Variants in ARID2 observed in about 807,000 individuals in gnomAD.
ARID2 encodes AT-rich interaction domain 2, also known as AT-rich interactive domain-containing protein 2.
Under a neutral mutation model 184.6 loss-of-function variants are expected in ARID2, and 32 were observed. That is an observed-to-expected ratio of 0.17 (90% confidence interval 0.13 to 0.23). The LOEUF is 0.23. ARID2 is among the 10% of genes least tolerant of loss of function. The probability of loss-of-function intolerance (pLI) is 1.00; values close to 1 mark genes in which losing one functional copy is unlikely to be tolerated. For missense variants in ARID2, 1,696 were observed against 2,197.6 expected (o/e 0.77, Z 4.56); for synonymous variants, 836 against 772.6 (o/e 1.08, Z -1.36).
chr12:45,900,338 G>A (rs185388075), intron 20 of ARID2, among the ~76,000 whole-genome samples: 1 of 152,188 alleles, frequency 6.6e-6, no homozygotes, highest in Non-Finnish European at 1.5e-5. Flanking sequence ...TGGGATTACA[G>A]GTGTGAGCCA....
chr12:45,731,103 C>T, intron 2 of ARID2, 114 bp from the exon 3 acceptor site: 2 of 744,934 alleles, frequency 2.7e-6, no homozygotes, highest in South Asian at 1.6e-5. Flanking sequence ...TCCGAAACAC[C>T]CACTGATGCC....
intron 3 of ARID2, among the ~76,000 whole-genome samples, chr12:45,788,369 TC>T (rs1266745482): frequency 6.6e-6 from 1 of 152,168 alleles, no homozygotes; most frequent in African/African-American, 2.4e-5. Flanking sequence ...AACCTCAAGA[TC>T]ATGTAGCTGA....
chr12:45,751,916 G>T (rs963263268), intron 3 of ARID2, among the ~76,000 whole-genome samples: 73 of 152,304 alleles, frequency 4.8e-4, no homozygotes, highest in African/African-American at 1.6e-3. Context: ...CTGTAATCCA[G>T]TTGAAAAATG....
intron 11 of ARID2, chr12:45,840,067 A>G (rs189485217): frequency 3.3e-5 from 5 of 152,372 alleles, no homozygotes; most frequent in Admixed American, 2.0e-4. Flanking sequence ...TAGTACAGAC[A>G]TGTCTAATAA....
Position 45,806,339 on chromosome 12 carries a change from T to C in ARID2, c.285-5079T>C, listed in dbSNP as rs990635190. ...TCTTTACATTTTGCCTGGTGACCCA[T>C]GTACCCGGACACCCTAGCCCCAGGG... On this transcript the variant is annotated intron_variant, in intron 3 of 20. Transcript: ENST00000334344. Among the ~76,000 whole-genome samples, 4 of 152,164 alleles carry C rather than the reference T, an allele frequency of 2.6e-5. 1 individual carries two copies. In the South Asian group the frequency reaches 8.3e-4, roughly 31 times the overall value.
chr12:45,733,481 A>G (rs553242961), intron 3 of ARID2, among the ~76,000 whole-genome samples: 1 of 152,374 alleles, frequency 6.6e-6, no homozygotes, highest in African/African-American at 2.4e-5. Flanking sequence ...GAATATCATC[A>G]TTACTGATGA....
At chr12:45,731,943 A>T (rs1318957973) in intron 3 of ARID2, among the ~76,000 whole-genome samples, 2 of 152,142 alleles carry the variant, frequency 1.3e-5, no homozygotes, top group Admixed American at 6.5e-5. Context: ...GATACTATGA[A>T]ATGGGATACT....
intron 3 of ARID2, chr12:45,775,980 A>G (rs1941970145): frequency 6.1e-6 from 1 of 163,486 alleles, no homozygotes; most frequent in South Asian, 2.0e-4. Context: ...ACTTCCAGTA[A>G]CTAATTAATA....
chr12:45,759,215 G>A (rs1055717166), intron 3 of ARID2, among the ~76,000 whole-genome samples: 3 of 152,122 alleles, frequency 2.0e-5, no homozygotes, highest in African/African-American at 7.2e-5. Context: ...ACTTATGGGT[G>A]TAAGAATTTT....
At chr12:45,814,994 G>C (rs1286056483) in intron 4 of ARID2, among the ~76,000 whole-genome samples, 3 of 152,128 alleles carry the variant, frequency 2.0e-5, no homozygotes, top group Non-Finnish European at 4.4e-5. Flanking sequence ...TAATTGTTAT[G>C]TTTATCTTAC....
At chr12:45,800,877 A>G (rs1483112300) in intron 3 of ARID2, among the ~76,000 whole-genome samples, 1 of 152,218 alleles carries the variant, frequency 6.6e-6, no homozygotes, top group Non-Finnish European at 1.5e-5. Context: ...TAACTTGAGC[A>G]TTTGACTGAA....
At chr12:45,802,036 TAA>T (rs1565601664) in intron 3 of ARID2, among the ~76,000 whole-genome samples, 3 of 152,200 alleles carry the variant, frequency 2.0e-5, no homozygotes, top group East Asian at 1.9e-4. Flanking sequence ...AGTGTAGATA[TAA>T]GAGTTTTGTT....
intron 3 of ARID2, among the ~76,000 whole-genome samples, chr12:45,772,778 G>A (rs1941900691): frequency 6.6e-6 from 1 of 152,112 alleles, no homozygotes; most frequent in Non-Finnish European, 1.5e-5. Flanking sequence ...GATAAAGGGA[G>A]AAAGAGGCAA....
rs200185178 is a variant in ARID2, at chr12:45,801,804, CAG to C, written c.285-9602_285-9601del. 2.1e-3 allele frequency among the ~76,000 whole-genome samples: 310 copies of C among 150,410 alleles called. 7 individuals carry two copies. Among genetic ancestry groups the C allele is most frequent in the Admixed American group, 0.019 (288 of 15,144 alleles). ...AATGTGTGTATTGGGGGGTGGGGGA[CAG>C]AGAGAGAGAGAAAGAATGAGAATAG... On this transcript the variant is annotated intron_variant, in intron 3 of 20. Coordinates refer to ENST00000334344, the MANE Select transcript of ARID2 (RefSeq NM_152641.4).
At chr12:45,780,171 C>T (rs1942062071) in intron 3 of ARID2, among the ~76,000 whole-genome samples, 1 of 152,184 alleles carries the variant, frequency 6.6e-6, no homozygotes, top group Non-Finnish European at 1.5e-5. Flanking sequence ...TACAGTGTGC[C>T]ACACACTTTG....
rs909329368 is a variant in ARID2 at position 45,906,901 on chromosome 12, A to G, written c.*1823A>G. On this transcript the variant is annotated 3_prime_UTR_variant, in exon 21 of 21. Coordinates refer to ENST00000334344, the MANE Select transcript of ARID2 (RefSeq NM_152641.4). ...GACTGTTTATTCAGAATCACAGTGT[A>G]TCCAAATCTTCAGCTTGAATTTGGA... 7.3e-5 allele frequency: 17 copies of G among 232,000 alleles called. No individual in the cohort carries two copies. Among genetic ancestry groups the G allele is most frequent in the African/African-American group, 3.5e-4 (16 of 45,292 alleles). The allele number at this position is 232,000 out of a possible 1,614,324, so 14.4% of individuals were successfully genotyped here. A position where few individuals can be genotyped will look rare whatever the true frequency, so the allele number is the denominator to read the frequency against.
chr12:45,871,261 G>C (rs941883547), intron 16 of ARID2, among the ~76,000 whole-genome samples: 3 of 152,128 alleles, frequency 2.0e-5, no homozygotes, highest in African/African-American at 7.2e-5. Flanking sequence ...TTTTTGGTGG[G>C]TGTCTATTCA....
rs1342406387 is a variant in ARID2 at position 45,891,380 on chromosome 12, G to T, written c.4923-400G>T. Among the ~76,000 whole-genome samples, 6 of 152,124 alleles carry T rather than the reference G, an allele frequency of 3.9e-5. No homozygotes were observed. The East Asian group carries it at 7.7e-4, about 20-fold the overall frequency. Reference sequence around the variant, plus strand: ...TATGTGCTGGAGGAGTGAGAGATGGGACTTAAAAACATGGACAGACATATA... The same window carrying T: ...TATGTGCTGGAGGAGTGAGAGATGGTACTTAAAAACATGGACAGACATATA... On this transcript the variant is annotated intron_variant, in intron 16 of 20. Transcript: ENST00000334344.
At chr12:45,862,095 A>G (rs1219528633) in intron 16 of ARID2, among the ~76,000 whole-genome samples, 1 of 152,194 alleles carries the variant, frequency 6.6e-6, no homozygotes, top group East Asian at 1.9e-4. Flanking sequence ...TAGTATGCAA[A>G]ATATCTATAG....
Sources: allele counts gnomAD v4.1 joint callset (sites outside exome capture counted in the v4.1 genomes callset), GRCh38; gene constraint gnomAD v4.1.1; transcripts MANE v1.5; gene names NCBI Gene and HGNC (gene_info 2026-07-23, HGNC 2026-07-21).